The following RYR3 variants were observed in gnomAD, a reference collection of about 807,000 sequenced individuals.
RYR3 encodes the protein ryanodine receptor 3.
Under a neutral mutation model 584.3 loss-of-function variants are expected in RYR3, and 207 were observed. The observed-to-expected ratio is 0.35, with a 90% confidence interval of 0.32 to 0.40. The LOEUF (loss-of-function observed/expected upper bound fraction) is 0.40. RYR3 is among the 10% of genes least tolerant of loss of function. The pLI is 1.00. For missense variants in RYR3, 5,616 were observed against 6,089.2 expected, an observed-to-expected ratio of 0.92 and a Z score of 2.59; for synonymous variants, 2,416 against 2,248.5, an observed-to-expected ratio of 1.07 and a Z score of -2.11.
chr15:33,314,196 T>C (rs553011639), intron 1 of RYR3, among the ~76,000 whole-genome samples: 29 of 152,290 alleles, frequency 1.9e-4, no homozygotes, highest in African/African-American at 6.7e-4. Context: ...TCACTGACAG[T>C]CATGTATGCC....
intron 65 of RYR3, among the ~76,000 whole-genome samples, chr15:33,781,861 G>C (rs957516490): frequency 1.5e-4 from 22 of 146,856 alleles, no homozygotes; most frequent in African/African-American, 4.5e-4. Context: ...AAAAAAAAAG[G>C]GGGGGGGGAT....
chr15:33,511,199 T>A (rs1305358378), intron 3 of RYR3, among the ~76,000 whole-genome samples: 1 of 152,056 alleles, frequency 6.6e-6, no homozygotes, highest in African/African-American at 2.4e-5. Flanking sequence ...TTGCTTATAG[T>A]TTGTTGATGA....
rs188695063 is a variant in RYR3 at position 33,408,173 on chromosome 15, G to C, written c.52-65246G>C. On this transcript the variant is annotated intron_variant, in intron 1 of 103. Coordinates refer to ENST00000634891, the MANE Select transcript of RYR3 (RefSeq NM_001036.6). ...TTTAAGCTCTTCCCGCACCCCCTTT[G>C]CAGTCCCCAGTTGCTACTGTGGGCA... is the stretch of plus-strand genomic sequence containing the variant. 5.1e-3 allele frequency among the ~76,000 whole-genome samples: 782 copies of C among 152,226 alleles called. 10 individuals carry two copies. The highest frequency in any genetic ancestry group is 0.018 in the African/African-American group (752 of 41,518).
chr15:33,481,106 C>T (rs1171361176), intron 2 of RYR3, among the ~76,000 whole-genome samples: 2 of 152,152 alleles, frequency 1.3e-5, no homozygotes, highest in South Asian at 2.1e-4. Flanking sequence ...TATGCTTTGA[C>T]TCATGCTAGT....
At chr15:33,365,639 G>A (rs1975387122) in intron 1 of RYR3, among the ~76,000 whole-genome samples, 1 of 152,166 alleles carries the variant, frequency 6.6e-6, no homozygotes, top group South Asian at 2.1e-4. Flanking sequence ...AATAGCTAAC[G>A]ATGCTGTATT....
chr15:33,652,376 G>A (rs1469705622), intron 31 of RYR3, among the ~76,000 whole-genome samples: 4 of 152,026 alleles, frequency 2.6e-5, no homozygotes, highest in African/African-American at 4.8e-5. Flanking sequence ...CATTCACTCC[G>A]TGCCTCAATT....
intron 57 of RYR3, among the ~76,000 whole-genome samples, chr15:33,751,464 T>C (rs530916111): frequency 6.6e-6 from 1 of 152,346 alleles, no homozygotes; most frequent in Non-Finnish European, 1.5e-5. Context: ...GTGGTTTCGA[T>C]TTGCATTTCT....
intron 64 of RYR3, among the ~76,000 whole-genome samples, chr15:33,778,737 C>T (rs1262896318): frequency 6.6e-6 from 1 of 152,214 alleles, no homozygotes; most frequent in Non-Finnish European, 1.5e-5. Flanking sequence ...CCAAGGGCCT[C>T]CACTCTGCCT....
chr15:33,777,270 T>C (rs2074057261), intron 64 of RYR3, among the ~76,000 whole-genome samples: 1 of 152,216 alleles, frequency 6.6e-6, no homozygotes, highest in Admixed American at 6.5e-5. Flanking sequence ...TGTAGGCTTT[T>C]CTCTGTGGGA....
chr15:33,590,476 A>G (rs967084575), intron 16 of RYR3, among the ~76,000 whole-genome samples: 3 of 152,160 alleles, frequency 2.0e-5, no homozygotes, highest in Non-Finnish European at 4.4e-5. Context: ...TATTGAATCT[A>G]TAGATTTCTT....
chr15:33,815,909 T>TGACA, intron 74 of RYR3: 2 of 398,632 alleles, frequency 5.0e-6, no homozygotes, highest in Non-Finnish European at 8.8e-6. Context: ...AAACTCAGTA[T>TGACA]GACAGGCTTA....
chr15:33,570,139 C>G (rs547339995), intron 12 of RYR3, among the ~76,000 whole-genome samples: 2 of 152,184 alleles, frequency 1.3e-5, no homozygotes, highest in East Asian at 3.9e-4. Flanking sequence ...TATCTAAGAA[C>G]TCTTTACCTT....
chr15:33,803,178 G>C (rs1418918911), intron 69 of RYR3, among the ~76,000 whole-genome samples: 1 of 152,232 alleles, frequency 6.6e-6, no homozygotes, highest in African/African-American at 2.4e-5. Context: ...TATACTCTAA[G>C]TATACACTTT....
chr15:33,543,491 A>G (rs532968178), intron 7 of RYR3, 131 bp from the exon 8 acceptor site: 6 of 693,834 alleles, frequency 8.6e-6, no homozygotes, highest in South Asian at 5.1e-5. Flanking sequence ...TGGAATATGT[A>G]GTTATCAAAA....
chr15:33,322,872 T>C (rs929560058), intron 1 of RYR3, among the ~76,000 whole-genome samples: 1 of 151,812 alleles, frequency 6.6e-6, no homozygotes, highest in Non-Finnish European at 1.5e-5. Flanking sequence ...TTCACACTCT[T>C]GTCTACCTTA....
At chr15:33,826,584 C>T in intron 83 of RYR3, 88 bp from the exon 84 acceptor site, 1 of 1,149,336 alleles carries the variant, frequency 8.7e-7, no homozygotes, top group Non-Finnish European at 1.3e-6. Context: ...TGACACAACT[C>T]CTTTATCATC....
At chr15:33,644,757 A>G (rs1297303296) in intron 28 of RYR3, among the ~76,000 whole-genome samples, 2 of 152,108 alleles carry the variant, frequency 1.3e-5, no homozygotes, top group African/African-American at 4.8e-5. Flanking sequence ...AACTCTCAAC[A>G]TTTTGGGCCA....
At chr15:33,739,029 G>A (rs769099225) in intron 50 of RYR3, among the ~76,000 whole-genome samples, 13 of 152,170 alleles carry the variant, frequency 8.5e-5, no homozygotes, top group Non-Finnish European at 1.9e-4. Context: ...AGCCATTCTG[G>A]GAGAGGTTCT....
intron 1 of RYR3, among the ~76,000 whole-genome samples, chr15:33,312,015 G>T (rs1967390016): frequency 6.6e-6 from 1 of 152,200 alleles, no homozygotes; most frequent in Admixed American, 6.5e-5. Flanking sequence ...CGCATAATCC[G>T]CCCTACTCAG....
Sources: gnomAD v4.1 joint callset for allele counts (sites outside exome capture counted in the v4.1 genomes callset) on GRCh38, gnomAD v4.1.1 for gene constraint, MANE v1.5 for transcripts, NCBI Gene and HGNC (gene_info 2026-07-23, HGNC 2026-07-21) for gene names.